Variants in CEP83 observed in about 807,000 individuals in gnomAD.
CEP83 encodes the protein centrosomal protein of 83 kDa.
In CEP83, 70 loss-of-function variants were observed where a neutral mutation model predicts 101.9. The ratio of observed to expected loss-of-function variants is 0.69; its 90% CI spans 0.57 to 0.84. CEP83 has a LOEUF of 0.84. Among genes scored for constraint, CEP83 ranks in the 40% least tolerant of loss-of-function variants. The pLI, the probability that CEP83 is intolerant of heterozygous loss-of-function variation, is 0.00. For synonymous variants in CEP83, 264 were observed against 267.9 expected, an observed-to-expected ratio of 0.99 and a Z score of 0.14; for missense variants, 715 against 787.2, an observed-to-expected ratio of 0.91 and a Z score of 1.10.
rs1307038465 is a variant in CEP83, at chr12:94,375,944, G to T, written c.875C>A (p.Thr292Asn). ...TTTATGCAATTTATTAATTAAAAAGGTATTTTGTTCACTGCTTGATTGTAG... is the reference window on the plus strand; with the variant it reads ...TTTATGCAATTTATTAATTAAAAAGTTATTTTGTTCACTGCTTGATTGTAG... ...KELQSSSEQN[T>N]FLINKLHKAE... Residue 292 changes from threonine (T) to asparagine (N), a missense_variant, in exon 8 of 17, where the codon ACC (threonine) becomes AAC (asparagine). Physicochemically the swap from Thr to Asn is moderately conservative, Grantham distance 65. Coordinates refer to ENST00000397809, the MANE Select transcript of CEP83 (RefSeq NM_016122.3). The T allele has an allele frequency of 6.5e-7, 1 of 1,541,096 alleles. No homozygotes were observed. Among genetic ancestry groups the T allele is most frequent in the Non-Finnish European group, 8.9e-7 (1 of 1,128,962 alleles).
chr12:94,412,069 C>G (rs2063917608), intron 3 of CEP83, among the ~76,000 whole-genome samples: 1 of 152,126 alleles, frequency 6.6e-6, no homozygotes, highest in Non-Finnish European at 1.5e-5. Context: ...ATTTAGCCAT[C>G]TGGATACATT....
At chr12:94,451,558 T>A (rs2067257011) in intron 1 of CEP83, among the ~76,000 whole-genome samples, 1 of 150,140 alleles carries the variant, frequency 6.7e-6, no homozygotes, top group Non-Finnish European at 1.5e-5. Flanking sequence ...GAAAAAGGTG[T>A]CCAACATTAC....
intron 1 of CEP83, among the ~76,000 whole-genome samples, chr12:94,457,070 G>A (rs1167803302): frequency 6.6e-6 from 1 of 152,082 alleles, no homozygotes; most frequent in Non-Finnish European, 1.5e-5. Context: ...AGAAAGAAGG[G>A]AATAAGATCA....
chr12:94,272,258 G>A, the CEP83 span: 4 of 152,330 alleles, frequency 2.6e-5, no homozygotes, highest in Non-Finnish European at 5.9e-5. Context: ...TCTCTCCCTG[G>A]TGGCATTCTG....
At chr12:94,324,977 C>T (rs999463435) in intron 14 of CEP83, among the ~76,000 whole-genome samples, 1 of 152,174 alleles carries the variant, frequency 6.6e-6, no homozygotes, top group East Asian at 1.9e-4. Flanking sequence ...CCTGGGCCTC[C>T]TGTGTTCCCT....
At chr12:94,366,244 CAGAAT>C (rs1228908927) in intron 11 of CEP83, among the ~76,000 whole-genome samples, 2 of 151,472 alleles carry the variant, frequency 1.3e-5, no homozygotes, top group Non-Finnish European at 2.9e-5. Context: ...GGACTCAAAA[CAGAAT>C]AGAATAGAAA....
At chr12:94,292,556 T>C in the CEP83 span, among the ~76,000 whole-genome samples, 1 of 152,216 alleles carries the variant, frequency 6.6e-6, no homozygotes, top group East Asian at 1.9e-4. Context: ...CCAAAATGCT[T>C]GGAACCACAA....
chr12:94,306,006 G>T (rs1968964394), downstream of CEP83: 1 of 152,092 alleles, frequency 6.6e-6, no homozygotes, highest in South Asian at 2.1e-4. Context: ...CAGATACTTT[G>T]TCCTAATGTA....
At chr12:94,278,279 T>C in the CEP83 span, 3 of 350,272 alleles carry the variant, frequency 8.6e-6, no homozygotes, top group Non-Finnish European at 1.7e-5. Context: ...CCAAGGTGCA[T>C]TAGAATCTAA....
rs1189923603 is a variant in CEP83, at chr12:94,354,216, A to G, written c.1343+13578T>C. Among the ~76,000 whole-genome samples the G allele has an allele frequency of 2.0e-5, 3 of 151,392 alleles. No homozygotes were observed. The East Asian group carries it at 5.8e-4, about 29-fold the overall frequency. On this transcript the variant is annotated intron_variant, in intron 11 of 16. Coordinates refer to ENST00000397809, the MANE Select transcript of CEP83 (RefSeq NM_016122.3). ...CTTCTTCTTTTTTTTTTTGAGATGG[A>G]GTCTTGCTCTGGCACCCAGGCTGGA...
chr12:94,426,233 G>A (rs2065193482), intron 2 of CEP83, among the ~76,000 whole-genome samples: 1 of 152,004 alleles, frequency 6.6e-6, no homozygotes, highest in Non-Finnish European at 1.5e-5. Context: ...CTTTGTAAAT[G>A]CTAATTTCCT....
At chr12:94,303,630 C>A, downstream of CEP83, 1 of 735,066 alleles carries the variant, frequency 1.4e-6, no homozygotes, top group Non-Finnish European at 2.1e-6. Flanking sequence ...GCCTTGTTAG[C>A]AAGAGGTAAA....
In CEP83 at chr12:94,422,304, C is replaced by G. The variant is rs578206903; in HGVS notation, c.-101-9713G>C. 5.3e-5 allele frequency among the ~76,000 whole-genome samples: 8 copies of G among 152,300 alleles called. No individual in the cohort carries two copies. In the South Asian group the frequency reaches 1.7e-3, roughly 32 times the overall value. On this transcript the variant is annotated intron_variant, in intron 2 of 16. Transcript: ENST00000397809. The stretch of plus-strand genomic sequence containing the variant: ...CCTTTGTTTGTATGTGCTCTCATGG[C>G]AAGACTGCTAGTGAGTGGCACCCTT...
the CEP83 span, chr12:94,279,681 G>T: frequency 6.3e-7 from 1 of 1,597,054 alleles, no homozygotes; most frequent in East Asian, 2.2e-5. Context: ...GTGGTCCCAG[G>T]CCCTGATGAG....
At chr12:94,298,814 A>C in the CEP83 span, 1 of 1,600,072 alleles carries the variant, frequency 6.2e-7, no homozygotes, top group Non-Finnish European at 8.5e-7. Context: ...GTAGGTGATT[A>C]GTGACTGTTT....
intron 14 of CEP83, among the ~76,000 whole-genome samples, chr12:94,319,139 A>G (rs541382583): frequency 6.6e-6 from 1 of 152,102 alleles, no homozygotes; most frequent in South Asian, 2.1e-4. Flanking sequence ...TATCTTGGGA[A>G]GGTGTATGTG....
chr12:94,435,026 A>G (rs193090491), intron 2 of CEP83, among the ~76,000 whole-genome samples: 17 of 152,284 alleles, frequency 1.1e-4, no homozygotes, highest in Admixed American at 4.6e-4. Context: ...ACTCTTCCTT[A>G]TTCTCTGGTC....
intron 14 of CEP83, chr12:94,328,187 G>C (rs376322379): frequency 5.1e-6 from 1 of 195,710 alleles, no homozygotes; most frequent in African/African-American, 2.4e-5. Context: ...CAAGAAAAAA[G>C]AAAAAAACCC....
At position 94,436,769 on chromosome 12, in the gene CEP83, G is replaced by A. The variant is rs185951647; in HGVS notation, c.-154-1442C>T. The stretch of plus-strand genomic sequence containing the variant: ...TCACTTGAACCCGGAGGAGGTTGCA[G>A]TGAGCCAAGATCACGCCATTGCACT... On this transcript the variant is annotated intron_variant, in intron 1 of 16. Coordinates refer to ENST00000397809, the MANE Select transcript of CEP83 (RefSeq NM_016122.3). Among the ~76,000 whole-genome samples the A allele has an allele frequency of 4.1e-3, 615 of 150,342 alleles. 4 individuals are homozygous for A. Among genetic ancestry groups the A allele is most frequent in the African/African-American group, 5.3e-3 (215 of 40,842 alleles).
Sources: allele counts gnomAD v4.1 joint callset (sites outside exome capture counted in the v4.1 genomes callset), GRCh38; gene constraint gnomAD v4.1.1; transcripts MANE v1.5; gene names NCBI Gene and HGNC (gene_info 2026-07-23, HGNC 2026-07-21).